CDH4: variants seen among roughly 807,000 people sequenced by gnomAD.
CDH4 encodes the protein cadherin-4.
A neutral mutation model predicts 86.0 loss-of-function variants in CDH4; 33 were observed. The observed-to-expected ratio is 0.38, with a 90% CI of 0.29 to 0.51. The LOEUF (loss-of-function observed/expected upper bound fraction) is 0.51, where lower values mean the gene tolerates loss of function less well. Among genes scored for constraint, CDH4 ranks in the 20% least tolerant of loss-of-function variants. CDH4 has a pLI of 0.86. For missense variants in CDH4, 1,114 were observed against 1,307.4 expected (o/e 0.85, Z 2.28); for synonymous variants, 555 against 549.4 (o/e 1.01, Z -0.14).
intron 2 of CDH4, among the ~76,000 whole-genome samples, chr20:61,313,686 A>G (rs2084460699): frequency 6.6e-6 from 1 of 152,230 alleles, no homozygotes; most frequent in Non-Finnish European, 1.5e-5. Flanking sequence ...TAATTGACAA[A>G]TAAAAAATGT....
At chr20:61,790,001 C>T (rs1239597142) in intron 4 of CDH4, among the ~76,000 whole-genome samples, 4 of 152,118 alleles carry the variant, frequency 2.6e-5, no homozygotes, top group African/African-American at 4.8e-5. Flanking sequence ...TAAAGTATGA[C>T]GGGGTGAACA....
intron 2 of CDH4, among the ~76,000 whole-genome samples, chr20:61,614,798 G>A (rs976386830): frequency 5.3e-5 from 8 of 152,108 alleles, no homozygotes; most frequent in South Asian, 2.1e-4. Context: ...ATGGGGGCCC[G>A]CTCTTCAGGC....
intron 2 of CDH4, among the ~76,000 whole-genome samples, chr20:61,639,528 T>C (rs1209945050): frequency 1.3e-5 from 2 of 152,236 alleles, no homozygotes; most frequent in African/African-American, 4.8e-5. Flanking sequence ...TTTCTCCACA[T>C]AACCTCTTTA....
At chr20:61,795,099 A>G (rs1349511758) in intron 4 of CDH4, among the ~76,000 whole-genome samples, 5 of 110,556 alleles carry the variant, frequency 4.5e-5, no homozygotes, top group African/African-American at 7.5e-5. Flanking sequence ...GATGGTAATG[A>G]TGGTGATGAT....
At chr20:61,275,111 G>A (rs549216114) in intron 2 of CDH4, among the ~76,000 whole-genome samples, 3 of 134,738 alleles carry the variant, frequency 2.2e-5, no homozygotes, top group East Asian at 4.7e-4. Flanking sequence ...GGGGAGTACT[G>A]TGTGCAGTTT....
At chr20:61,335,363 T>A (rs1482962009) in intron 2 of CDH4, among the ~76,000 whole-genome samples, 1 of 152,206 alleles carries the variant, frequency 6.6e-6, no homozygotes, top group African/African-American at 2.4e-5. Flanking sequence ...GGCAAAGGGA[T>A]GTGACATTTA....
At chr20:61,669,045 C>T (rs1047450800) in intron 2 of CDH4, among the ~76,000 whole-genome samples, 5 of 152,216 alleles carry the variant, frequency 3.3e-5, no homozygotes, top group Non-Finnish European at 7.3e-5. Context: ...GGCGGCAGGT[C>T]AGGTCCTTCC....
intron 3 of CDH4, among the ~76,000 whole-genome samples, chr20:61,743,999 C>G (rs911919140): frequency 4.6e-5 from 7 of 152,356 alleles, no homozygotes; most frequent in African/African-American, 1.4e-4. Flanking sequence ...CCTGGGCAGG[C>G]ACACAGGCCC....
At chr20:61,372,682 C>A (rs1044827719) in intron 2 of CDH4, among the ~76,000 whole-genome samples, 1 of 152,182 alleles carries the variant, frequency 6.6e-6, no homozygotes, top group Non-Finnish European at 1.5e-5. Flanking sequence ...GAGATCCAGA[C>A]CTGGAGCCAA....
At chr20:61,555,671 G>A (rs1225884010) in intron 2 of CDH4, among the ~76,000 whole-genome samples, 1 of 152,248 alleles carries the variant, frequency 6.6e-6, no homozygotes, top group Admixed American at 6.5e-5. Flanking sequence ...CACATAAATA[G>A]CGATTCCATT....
intron 2 of CDH4, among the ~76,000 whole-genome samples, chr20:61,511,149 A>G (rs559691751): frequency 6.6e-6 from 1 of 152,312 alleles, no homozygotes; most frequent in East Asian, 1.9e-4. Context: ...TCCAAACTAC[A>G]TCATGAGTGA....
At chr20:61,257,941 C>T (rs7352547) in intron 2 of CDH4, among the ~76,000 whole-genome samples, 4 of 152,092 alleles carry the variant, frequency 2.6e-5, no homozygotes, top group African/African-American at 7.2e-5. Context: ...TGCAACGAAG[C>T]GGGAACAGGT....
chr20:61,936,646 C>CCTCTT, intron 15 of CDH4, 91 bp from the exon 16 acceptor site: 1 of 1,068,308 alleles, frequency 9.4e-7, no homozygotes, highest in Non-Finnish European at 1.3e-6. Flanking sequence ...TACCTCCCTA[C>CCTCTT]CTCTTCTTCT....
At chr20:61,520,971 T>C (rs944244842) in intron 2 of CDH4, among the ~76,000 whole-genome samples, 1 of 151,932 alleles carries the variant, frequency 6.6e-6, no homozygotes, top group Non-Finnish European at 1.5e-5. Flanking sequence ...GAAGGGCGAG[T>C]AGAATTGAGG....
At chr20:61,567,674 G>T (rs1354821307) in intron 2 of CDH4, among the ~76,000 whole-genome samples, 4 of 152,220 alleles carry the variant, frequency 2.6e-5, no homozygotes, top group Non-Finnish European at 5.9e-5. Flanking sequence ...GGGCAGAGGG[G>T]AAATGAGCTG....
At chr20:61,590,784 G>A (rs1177361570) in intron 2 of CDH4, among the ~76,000 whole-genome samples, 1 of 151,934 alleles carries the variant, frequency 6.6e-6, no homozygotes, top group East Asian at 1.9e-4. Flanking sequence ...GTCTGGATTT[G>A]GGGATATAAT....
At chr20:61,494,292 T>A (rs777130328) in intron 2 of CDH4, among the ~76,000 whole-genome samples, 7 of 152,228 alleles carry the variant, frequency 4.6e-5, no homozygotes, top group Admixed American at 2.0e-4. Flanking sequence ...CCTCTGCTCG[T>A]GCATACTGTG....
chr20:61,740,131 C>T (rs995290410), intron 2 of CDH4, among the ~76,000 whole-genome samples: 6 of 152,184 alleles, frequency 3.9e-5, no homozygotes, highest in African/African-American at 1.2e-4. Flanking sequence ...TAGAATGGAA[C>T]GTGCTGAGGT....
At chr20:61,893,672 T>A (rs930550226) in intron 7 of CDH4, among the ~76,000 whole-genome samples, 4 of 135,886 alleles carry the variant, frequency 2.9e-5, no homozygotes, top group African/African-American at 1.1e-4. Flanking sequence ...AATAGAGGGA[T>A]AGTGGATGAG....
Sources: gnomAD v4.1 joint callset for allele counts (sites outside exome capture counted in the v4.1 genomes callset) on GRCh38, gnomAD v4.1.1 for gene constraint, MANE v1.5 for transcripts, NCBI Gene and HGNC (gene_info 2026-07-23, HGNC 2026-07-21) for gene names.